Variants in KCNG3 observed in about 807,000 individuals in gnomAD.
The protein encoded by KCNG3 is potassium voltage-gated channel modifier subfamily G member 3.
Under a neutral mutation model 29.0 loss-of-function variants are expected in KCNG3, and 15 were observed. The observed-to-expected ratio is 0.52, with a 90% CI of 0.35 to 0.80. The LOEUF (loss-of-function observed/expected upper bound fraction) is 0.80. Ranked by LOEUF, KCNG3 falls within the 30% of genes least tolerant of loss-of-function variation. The pLI is 0.01. For synonymous variants in KCNG3, 322 were observed against 248.9 expected, an observed-to-expected ratio of 1.29 and a Z score of -2.76; for missense variants, 512 against 605.7, an observed-to-expected ratio of 0.85 and a Z score of 1.62.
chr2:42,433,098 G>C, the KCNG3 span, among the ~76,000 whole-genome samples: 2 of 152,238 alleles, frequency 1.3e-5, no homozygotes, highest in African/African-American at 4.8e-5. Flanking sequence ...AATAAGGCCA[G>C]GATGTCCACT....
rs1673132415 is a variant in KCNG3, at chr2:42,465,938, TAAC to T, written c.666-21362_666-21360del. On this transcript the variant is annotated intron_variant, in intron 1 of 1. Transcript: ENST00000306078. ...AGACATTACTACACTTGAGACAGAATAACAAAAATTTGTAAAACCAATAACACC... is the reference window on the plus strand; with the variant it reads ...AGACATTACTACACTTGAGACAGAATAAAAATTTGTAAAACCAATAACACC... Among the ~76,000 whole-genome samples, 3 of 152,142 alleles carry T rather than the reference TAAC, an allele frequency of 2.0e-5. No individual in the cohort carries two copies. In the South Asian group the frequency reaches 6.2e-4, roughly 31 times the overall value.
chr2:42,471,885 CAAAA>C (rs59566876), intron 1 of KCNG3, among the ~76,000 whole-genome samples: 3 of 63,930 alleles, frequency 4.7e-5, no homozygotes, highest in Non-Finnish European at 7.3e-5. Flanking sequence ...CCCTGTATCT[CAAAA>C]AAAAAAAAAA....
rs571278122 is a variant in KCNG3 at position 42,445,611 on chromosome 2, C to A, written c.666-1032G>T. Among the ~76,000 whole-genome samples the A allele has an allele frequency of 8.5e-5, 13 of 152,344 alleles. No homozygotes were observed. The South Asian group carries it at 2.7e-3, about 32-fold the overall frequency. On this transcript the variant is annotated intron_variant, in intron 1 of 1. Coordinates refer to ENST00000306078, the MANE Select transcript of KCNG3 (RefSeq NM_133329.6). ...TTTGTATTCCATCATCATTTTTACA[C>A]AGCACATATTTTTAAAAGACCACAT...
At chr2:42,489,696 GTAAGGGA>G (rs1558391395) in intron 1 of KCNG3, among the ~76,000 whole-genome samples, 22 of 152,116 alleles carry the variant, frequency 1.4e-4, no homozygotes, top group Middle Eastern at 3.4e-3. Flanking sequence ...GCATTGCACA[GTAAGGGA>G]CATTTGAGTG....
chr2:42,455,779 T>A (rs959507623), intron 1 of KCNG3, among the ~76,000 whole-genome samples: 1 of 150,564 alleles, frequency 6.6e-6, no homozygotes, highest in Non-Finnish European at 1.5e-5. Flanking sequence ...TTAAAAAAAA[T>A]AAAAATTAAA....
chr2:42,486,135 A>G (rs1383803014), intron 1 of KCNG3, among the ~76,000 whole-genome samples: 1 of 152,218 alleles, frequency 6.6e-6, no homozygotes, highest in African/African-American at 2.4e-5. Context: ...CTGTAGAAAA[A>G]GAACTGGATT....
At chr2:42,429,366 TC>T in the KCNG3 span, among the ~76,000 whole-genome samples, 4 of 152,200 alleles carry the variant, frequency 2.6e-5, no homozygotes, top group Non-Finnish European at 5.9e-5. Flanking sequence ...CACTCACCCT[TC>T]TAGAGACTGC....
chr2:42,463,053 A>C (rs1673056899), intron 1 of KCNG3: 1 of 162,534 alleles, frequency 6.2e-6, no homozygotes, highest in African/African-American at 2.4e-5. Context: ...TTGCATCTCA[A>C]ATATATGTTA....
At chr2:42,434,458 CAAAAAAAAAA>C in the KCNG3 span, among the ~76,000 whole-genome samples, 1 of 31,242 alleles carries the variant, frequency 3.2e-5, no homozygotes, top group South Asian at 1.9e-3. Context: ...GACACTGTCT[CAAAAAAAAAA>C]AAAAAAAAAA....
intron 1 of KCNG3, among the ~76,000 whole-genome samples, chr2:42,484,926 C>A (rs1673683411): frequency 6.6e-6 from 1 of 152,288 alleles, no homozygotes; most frequent in East Asian, 1.9e-4. Flanking sequence ...CTAGTAATTA[C>A]TGACTTCTGA....
intron 1 of KCNG3, among the ~76,000 whole-genome samples, chr2:42,452,241 A>AT (rs756775284): frequency 4.2e-4 from 28 of 66,082 alleles, no homozygotes; most frequent in African/African-American, 1.3e-3. Flanking sequence ...ATATATATAT[A>AT]TATTTTTTTT....
chr2:42,493,648 C>T lies in KCNG3; in HGVS notation c.-147G>A. 1 of 609,428 alleles carries T rather than the reference C, an allele frequency of 1.6e-6. No homozygotes were observed. The highest frequency in any genetic ancestry group is 2.3e-6 in the Non-Finnish European group (1 of 426,390). The allele number at this position is 609,428 out of a possible 1,614,324, so 37.8% of individuals were successfully genotyped here. A position where few individuals can be genotyped will look rare whatever the true frequency, so the allele number is the denominator to read the frequency against. Reference sequence around the variant, plus strand: ...CTCGGGGCTCCGCTCCTGCCCTCCGCTGGCCCGGGGGTCCCTGGGCTCGAG... The same window carrying T: ...CTCGGGGCTCCGCTCCTGCCCTCCGTTGGCCCGGGGGTCCCTGGGCTCGAG... On this transcript the variant is annotated 5_prime_UTR_variant, in exon 1 of 2. Coordinates refer to ENST00000306078, the MANE Select transcript of KCNG3 (RefSeq NM_133329.6).
chr2:42,440,890 C>T (rs2103654749), downstream of KCNG3, among the ~76,000 whole-genome samples: 1 of 152,226 alleles, frequency 6.6e-6, no homozygotes, highest in Non-Finnish European at 1.5e-5. Context: ...CATGTAAATT[C>T]AGGTGTGGTA....
chr2:42,469,682 T>G (rs1281043987), intron 1 of KCNG3: 1 of 152,412 alleles, frequency 6.6e-6, no homozygotes, highest in East Asian at 1.9e-4. Flanking sequence ...TATAAAAGAA[T>G]CTTTATGATC....
chr2:42,462,829 C>A (rs1250758675), intron 1 of KCNG3, among the ~76,000 whole-genome samples: 1 of 152,172 alleles, frequency 6.6e-6, no homozygotes, highest in East Asian at 1.9e-4. Context: ...TTATTCAATA[C>A]AAATTTACAA....
intron 1 of KCNG3, among the ~76,000 whole-genome samples, chr2:42,451,773 G>A (rs188129841): frequency 3.9e-5 from 6 of 151,990 alleles, no homozygotes; most frequent in Non-Finnish European, 8.8e-5. Flanking sequence ...GGTGGTGTGT[G>A]CCTGTAGTCC....
downstream of KCNG3, among the ~76,000 whole-genome samples, chr2:42,438,516 T>C (rs1023348570): frequency 3.9e-5 from 6 of 152,218 alleles, no homozygotes; most frequent in African/African-American, 1.4e-4. Context: ...AATGTTATAT[T>C]TGGTATAGTC....
chr2:42,482,929 C>T (rs955341968), intron 1 of KCNG3, among the ~76,000 whole-genome samples: 4 of 151,910 alleles, frequency 2.6e-5, no homozygotes, highest in Non-Finnish European at 4.4e-5. Flanking sequence ...AAGACCAGCC[C>T]GGACAATATA....
rs79189703 is a variant in KCNG3 at position 42,465,619 on chromosome 2, A to G, written c.666-21040T>C. Among the ~76,000 whole-genome samples, 764 of 152,324 alleles carry G rather than the reference A, an allele frequency of 5.0e-3. 5 individuals carry two copies. Among genetic ancestry groups the G allele is most frequent in the Non-Finnish European group, 7.3e-3 (495 of 68,024 alleles). On this transcript the variant is annotated intron_variant, in intron 1 of 1. Transcript: ENST00000306078. ...AAAAGTAGTAATCATGAAAGAAAAT[A>G]CTGATAAATTAGACTTCACCAAAAT...
Sources: allele counts gnomAD v4.1 joint callset (sites outside exome capture counted in the v4.1 genomes callset), GRCh38; gene constraint gnomAD v4.1.1; transcripts MANE v1.5; gene names NCBI Gene and HGNC (gene_info 2026-07-23, HGNC 2026-07-21).